Variants in CYP2A7 observed in about 807,000 individuals in gnomAD.
The protein encoded by CYP2A7 is cytochrome P450 family 2 subfamily A member 7.
Under a neutral mutation model 42.0 loss-of-function variants are expected in CYP2A7, and 36 were observed. That is an observed-to-expected ratio of 0.86 (90% CI 0.66 to 1.13). The LOEUF (loss-of-function observed/expected upper bound fraction) is 1.13, where lower values mean the gene tolerates loss of function less well. Ranked by LOEUF, CYP2A7 falls within the 50% of genes most tolerant of loss-of-function variation. CYP2A7 has a pLI of 0.00. For synonymous variants in CYP2A7, 260 were observed against 249.5 expected, an observed-to-expected ratio of 1.04 and a Z score of -0.40; for missense variants, 661 against 634.1, an observed-to-expected ratio of 1.04 and a Z score of -0.46.
At chr19:40,879,590 C>G (rs1967608783) in intron 4 of CYP2A7, among the ~76,000 whole-genome samples, 1 of 151,578 alleles carries the variant, frequency 6.6e-6, no homozygotes, top group Non-Finnish European at 1.5e-5. Flanking sequence ...GGGCAGCTGT[C>G]CATGTTTTCA....
Position 40,882,117 on chromosome 19 carries a change from T to A in CYP2A7, c.94A>T (p.Lys32Ter). 1 of 1,613,748 alleles carries A rather than the reference T, an allele frequency of 6.2e-7. No homozygotes were observed. The highest frequency in any genetic ancestry group is 8.5e-7 in the Non-Finnish European group (1 of 1,179,832). ...AGTGGGGTGGGTCCCGGAGGCAGCT[T>A]CCCCCTGCTCTTCCTCTGCTGCCAG... ...SVWQQRKSRGKLPPGPTPLPF... is the reference protein window; with the variant it reads ...SVWQQRKSRG Residue 32 changes from lysine to a stop codon, truncating the protein, a stop_gained, in exon 1 of 9, where the codon AAG becomes TAG. Transcript: ENST00000301146. LOFTEE classifies it high-confidence loss of function.
chr19:40,881,674 G>C lies in CYP2A7; in HGVS notation c.258C>G (p.Ala86=), dbSNP rs202195291. ...CCTGGTCCACCAGAGCCTCCCTGAC[G>C]GCATCATGTCCACACAGCACCACGA... ...RRVVVLCGHD[A]VREALVDQAE... Residue 86 remains alanine (A), a synonymous_variant, in exon 2 of 9, where the codon GCC becomes GCG. Coordinates refer to ENST00000301146, the MANE Select transcript of CYP2A7 (RefSeq NM_000764.3). 2 of 1,613,324 alleles carry C rather than the reference G, an allele frequency of 1.2e-6. No homozygotes were observed. Among genetic ancestry groups the C allele is most frequent in the East Asian group, 4.5e-5 (2 of 44,866 alleles).
intron 5 of CYP2A7, among the ~76,000 whole-genome samples, chr19:40,878,468 C>T (rs1454117773): frequency 1.3e-5 from 2 of 151,782 alleles, no homozygotes; most frequent in Non-Finnish European, 2.9e-5. Flanking sequence ...TCATTGCAAC[C>T]TCTGCCCCCC....
In CYP2A7 at chr19:40,881,759, A is replaced by G; in HGVS notation, c.181-8T>C. On this transcript the variant is annotated splice_region_variant and splice_polypyrimidine_tract_variant and intron_variant, in intron 1 of 8. Coordinates refer to ENST00000301146, the MANE Select transcript of CYP2A7 (RefSeq NM_000764.3). ...GCCATAGCACTCACTGAACTGATGG[A>G]GGCGAGTGGGAGTGGTTAGAGGGAG... The G allele has an allele frequency of 1.9e-6, 3 of 1,592,822 alleles. No individual in the cohort carries two copies.
rs1332706490 is a variant in CYP2A7, at chr19:40,877,933, G to C, written c.892C>G (p.Leu298Val). The C allele has an allele frequency of 4.3e-6, 7 of 1,612,492 alleles. 1 individual carries two copies. The highest frequency in any genetic ancestry group is 1.7e-5 in the Admixed American group (1 of 59,782). The part of the protein sequence containing the change: ...LKNLMMSTLN[L>V]FIAGTETVST... ...ACCGTCTCGGTGCCTGCAATGAAGA[G>C]GTTCAACGTGCTCATCATCAGGTTC... The change falls in exon 6 of 9, where the codon CTC (leucine) becomes GTC (valine). Residue 298 changes from leucine to valine, a missense_variant. This residue lies in a region of CYP2A7 where 614 missense variants were observed against 552.4 expected (regional missense o/e 1.11). Coordinates refer to ENST00000301146, the MANE Select transcript of CYP2A7 (RefSeq NM_000764.3).
At chr19:40,879,661 A>G (rs1357761792) in intron 4 of CYP2A7, among the ~76,000 whole-genome samples, 1 of 151,522 alleles carries the variant, frequency 6.6e-6, no homozygotes, top group Non-Finnish European at 1.5e-5. Context: ...CTAATCTGGG[A>G]CATTTGTGTA....
chr19:40,881,053 T>C (rs574613718), intron 2 of CYP2A7, among the ~76,000 whole-genome samples: 2 of 150,644 alleles, frequency 1.3e-5, no homozygotes, highest in South Asian at 2.1e-4. Context: ...GAAATAAAAA[T>C]GGTGAAACAT....
chr19:40,876,936 A>C, intron 7 of CYP2A7: 2 of 641,454 alleles, frequency 3.1e-6, no homozygotes, highest in Non-Finnish European at 5.3e-6. Flanking sequence ...CCTAATGGAA[A>C]GGGGGCTTCT....
rs372835097 is a variant in CYP2A7 at position 40,878,784 on chromosome 19, G to C, written c.807C>G (p.Asp269Glu). ...CCTCCTGCATGTGGATGAGAAAGGAGTCGATGAAGTCCTGTGGGGAATTGG... is the reference window on the plus strand; with the variant it reads ...CCTCCTGCATGTGGATGAGAAAGGACTCGATGAAGTCCTGTGGGGAATTGG... ...LDPNSPQDFI[D>E]SFLIHMQEEE... The change falls in exon 5 of 9, where the codon GAC becomes GAG. Residue 269 changes from aspartate (D) to glutamate (E), a missense_variant. Asp to Glu is a conservative substitution (Grantham distance 45, BLOSUM62 2). This residue lies in a region of CYP2A7 where 614 missense variants were observed against 552.4 expected (regional missense o/e 1.11). Coordinates refer to ENST00000301146, the MANE Select transcript of CYP2A7 (RefSeq NM_000764.3). 1.4e-5 allele frequency: 23 copies of C among 1,611,418 alleles called. 1 individual carries two copies. Among genetic ancestry groups the C allele is most frequent in the Non-Finnish European group, 1.8e-5 (21 of 1,178,338 alleles).
rs1419643161 is a variant in CYP2A7, at chr19:40,877,283, G to A, written c.1068C>T (p.Ile356=). 6.2e-7 allele frequency: 1 copy of A among 1,612,716 alleles called. No individual in the cohort carries two copies. The highest frequency in any genetic ancestry group is 1.7e-5 in the Admixed American group (1 of 59,838). ...RTKMPYMEAV[I]HEIQRFGDVI... is the part of the protein sequence containing the mutation. ...CGTCTCCAAATCTTTGGATCTCGTGGATCACTGCCTCCATGTAGGGCATCT... is the reference window on the plus strand; with the variant it reads ...CGTCTCCAAATCTTTGGATCTCGTGAATCACTGCCTCCATGTAGGGCATCT... The change falls in exon 7 of 9, where the codon ATC becomes ATT. Residue 356 remains isoleucine (I), a synonymous_variant. Coordinates refer to ENST00000301146, the MANE Select transcript of CYP2A7 (RefSeq NM_000764.3).
rs757727181 is a variant in CYP2A7, at chr19:40,880,498, C to G, written c.474G>C (p.Glu158Asp). Reference protein sequence around the residue: ...RIQEESGFLIEAIRSTHGANI... With the variant: ...RIQEESGFLIDAIRSTHGANI... ...ACTCACCGTGCGTGCTCCGGATGGC[C>G]TCGATGAGGAAGCCCGACTCCTCCT... Residue 158 changes from glutamate to aspartate, a missense_variant, in exon 3 of 9, where the codon GAG becomes GAC. Around this residue, in one of 3 missense-constraint regions of CYP2A7, gnomAD observed 614 missense variants for 552.4 expected, o/e 1.11. Transcript: ENST00000301146. 2.6e-5 allele frequency: 42 copies of G among 1,612,500 alleles called. No homozygotes were observed. Among genetic ancestry groups the G allele is most frequent in the Admixed American group, 3.3e-5 (2 of 59,844 alleles).
chr19:40,880,200 T>A lies in CYP2A7; in HGVS notation c.538A>T (p.Asn180Tyr). ...CCAAAGACAATGGAGCTGATGACAT[T>A]GGAGACTGTGCGGCTCAGGAAGAAG... Reference protein sequence around the residue: ...PTFFLSRTVSNVISSIVFGDR... With the variant: ...PTFFLSRTVSYVISSIVFGDR... Residue 180 changes from asparagine (N) to tyrosine (Y), a missense_variant, in exon 4 of 9, where the codon AAT becomes TAT. Asn to Tyr is a moderately radical substitution (Grantham distance 143). Transcript: ENST00000301146. 6.2e-7 allele frequency: 1 copy of A among 1,612,816 alleles called. No homozygotes were observed. Among genetic ancestry groups the A allele is most frequent in the East Asian group, 2.2e-5 (1 of 44,856 alleles).
At position 40,876,825 on chromosome 19, in the gene CYP2A7, G is replaced by T; in HGVS notation, c.1162-157C>A. The T allele has an allele frequency of 1.5e-5, 15 of 1,029,458 alleles. 1 individual carries two copies. Among genetic ancestry groups the T allele is most frequent in the Non-Finnish European group, 1.4e-5 (10 of 712,254 alleles). The allele number at this position is 1,029,458 out of a possible 1,614,324, so 63.8% of individuals were successfully genotyped here. A position where few individuals can be genotyped will look rare whatever the true frequency, so the allele number is the denominator to read the frequency against. ...GAAGGAGGAGCTTTGGGGAATAGAAGGTTCACATCTCTGAAACAGGAAGTT... is the reference window on the plus strand; with the variant it reads ...GAAGGAGGAGCTTTGGGGAATAGAATGTTCACATCTCTGAAACAGGAAGTT... On this transcript the variant is annotated intron_variant, in intron 7 of 8. Transcript: ENST00000301146.
chr19:40,880,003 G>A, intron 4 of CYP2A7, 81 bp downstream of exon 4: 1 of 1,581,594 alleles, frequency 6.3e-7, no homozygotes, highest in South Asian at 1.2e-5. Flanking sequence ...CGGGGTGGGA[G>A]TTTGGGGCAC....
In CYP2A7 at chr19:40,876,527, C is replaced by T. The variant is rs202236701; in HGVS notation, c.1303G>A (p.Gly435Arg). ...CTGGCAGCAAACAGTGGTCTCTTAC[C>T]GATGGAAAAGGGCACAAAAGCATCA... ...KSDAFVPFSI[G>R]KRNCFGEGLA... The change falls in exon 8 of 9, where the codon GGA becomes AGA. Residue 435 changes from glycine (G) to arginine (R), a missense_variant and splice_region_variant. Physicochemically the swap from Gly to Arg is moderately radical, Grantham distance 125. Around this residue, in one of 3 missense-constraint regions of CYP2A7, gnomAD observed 25 missense variants for 62.4 expected, o/e 0.40. Transcript: ENST00000301146. 10 of 1,612,852 alleles carry T rather than the reference C, an allele frequency of 6.2e-6. No individual in the cohort carries two copies. The highest frequency in any genetic ancestry group is 2.2e-5 in the South Asian group (2 of 91,008).
At position 40,881,553 on chromosome 19, in the gene CYP2A7, G is replaced by A. The variant is rs187665825; in HGVS notation, c.343+36C>T. 495 of 1,597,742 alleles carry A rather than the reference G, an allele frequency of 3.1e-4. 4 individuals are homozygous for A. The highest frequency in any genetic ancestry group is 1.8e-3 in the South Asian group (163 of 90,494). On this transcript the variant is annotated intron_variant, in intron 2 of 8. Transcript: ENST00000301146. ...TGGCAACACTGAGACCATCGTGTCCGCCTGGCCACCTTCCCCATCTTGGGC... is the reference window on the plus strand; with the variant it reads ...TGGCAACACTGAGACCATCGTGTCCACCTGGCCACCTTCCCCATCTTGGGC...
At chr19:40,880,347 G>C in intron 3 of CYP2A7, 103 bp from the exon 4 acceptor site, 1 of 1,544,614 alleles carries the variant, frequency 6.5e-7, no homozygotes, top group Non-Finnish European at 8.8e-7. Flanking sequence ...CAAATTCCCA[G>C]CGCCAGACTC....
intron 2 of CYP2A7, among the ~76,000 whole-genome samples, chr19:40,881,238 A>G (rs1967675357): frequency 1.3e-5 from 2 of 151,494 alleles, no homozygotes; most frequent in African/African-American, 2.4e-5. Flanking sequence ...AGAAACATGG[A>G]GAAGCACAGA....
At position 40,877,969 on chromosome 19, in the gene CYP2A7, A is replaced by G. The variant is rs766635228; in HGVS notation, c.856T>C (p.Phe286Leu). ...CTCATCATCAGGTTCTTCAAGTAGAACTCCGTGTTGGGGTTCTTCTCCTCC... is the reference window on the plus strand; with the variant it reads ...CTCATCATCAGGTTCTTCAAGTAGAGCTCCGTGTTGGGGTTCTTCTCCTCC... ...QEEEKNPNTE[F>L]YLKNLMMSTL... The change falls in exon 6 of 9, where the codon TTC becomes CTC. Residue 286 changes from phenylalanine to leucine, a missense_variant. By Grantham distance (22) the Phe-to-Leu change is conservative. Around this residue, in one of 3 missense-constraint regions of CYP2A7, gnomAD observed 614 missense variants for 552.4 expected, o/e 1.11. Transcript: ENST00000301146. The G allele has an allele frequency of 3.7e-6, 6 of 1,606,682 alleles. No individual in the cohort carries two copies. In the East Asian group the frequency reaches 1.3e-4, roughly 36 times the overall value.
Sources: gnomAD v4.1 joint callset for allele counts (sites outside exome capture counted in the v4.1 genomes callset) on GRCh38, gnomAD v4.1.1 for gene constraint, gnomAD v4.1.1 regional missense constraint, MANE v1.5 for transcripts, NCBI Gene and HGNC (gene_info 2026-07-23, HGNC 2026-07-21) for gene names.